SAMSN1: variants seen among roughly 807,000 people sequenced by gnomAD.
SAMSN1 encodes SAM domain, SH3 domain and nuclear localization signals 1, also known as SAM domain-containing protein SAMSN-1.
In SAMSN1, 31 loss-of-function variants were observed where a neutral mutation model predicts 42.0. That is an observed-to-expected ratio of 0.74 (90% CI 0.55 to 1.00). The LOEUF is 1.00. Among genes scored for constraint, SAMSN1 ranks in the 50% least tolerant of loss-of-function variants. SAMSN1 has a pLI of 0.00. For synonymous variants in SAMSN1, 178 were observed against 151.9 expected, an observed-to-expected ratio of 1.17 and a Z score of -1.26; for missense variants, 464 against 439.4, an observed-to-expected ratio of 1.06 and a Z score of -0.50.
intron 7 of SAMSN1, among the ~76,000 whole-genome samples, chr21:14,493,977 A>G (rs1341629734): frequency 3.9e-5 from 6 of 152,192 alleles, no homozygotes; most frequent in African/African-American, 1.4e-4. Flanking sequence ...TTGTTGGAGA[A>G]GCATCTTTAC....
chr21:14,498,724 C>T, intron 6 of SAMSN1, 132 bp from the exon 7 acceptor site: 1 of 610,562 alleles, frequency 1.6e-6, no homozygotes, highest in Non-Finnish European at 2.6e-6. Flanking sequence ...CTTAACTTCA[C>T]TTGTATTCGT....
At chr21:14,550,802 AAG>A (rs60930008), upstream of SAMSN1, among the ~76,000 whole-genome samples, 42,517 of 151,994 alleles carry the variant, frequency 0.28, 6,303 homozygotes, top group African/African-American at 0.38. Flanking sequence ...GTTAAAGGAA[AAG>A]AGAGCTTAGT....
chr21:14,632,179 T>A lies in SAMSN1; in HGVS notation c.156+10823A>T, dbSNP rs186974287. 4.3e-3 allele frequency among the ~76,000 whole-genome samples: 658 copies of A among 152,110 alleles called. 4 individuals carry two copies. The highest frequency in any genetic ancestry group is 7.3e-3 in the Non-Finnish European group (496 of 68,000). ...GCCATTGTGGTAGTAGCTGCTTGAT[T>A]TGGCCACTTCCTAACTGTGATAGAA... On this transcript the variant is annotated intron_variant, in intron 2 of 15. Coordinates refer to the SAMSN1 transcript ENST00000647101.
chr21:14,510,476 A>G lies in SAMSN1; in HGVS notation c.410-15T>C. 6.2e-7 allele frequency: 1 copy of G among 1,613,962 alleles called. No individual in the cohort carries two copies. Among genetic ancestry groups the G allele is most frequent in the Non-Finnish European group, 8.5e-7 (1 of 1,179,840 alleles). ...TGTTATGCCACCTGATGAAAGCAGA[A>G]GTTCACAGTTGTCATGGAAGACTTA... is the stretch of plus-strand genomic sequence containing the variant. On this transcript the variant is annotated splice_polypyrimidine_tract_variant and intron_variant, in intron 4 of 7. Coordinates refer to ENST00000400566, the MANE Select transcript of SAMSN1 (RefSeq NM_022136.5).
At chr21:14,505,028 CTT>C (rs1987335948) in intron 5 of SAMSN1, among the ~76,000 whole-genome samples, 1 of 152,160 alleles carries the variant, frequency 6.6e-6, no homozygotes, top group Non-Finnish European at 1.5e-5. Context: ...AAGATACAGT[CTT>C]TTTCAGACAA....
chr21:14,583,538 T>C, upstream of SAMSN1: 1 of 580,218 alleles, frequency 1.7e-6, no homozygotes, highest in Non-Finnish European at 3.1e-6. Context: ...TAAAAAAAAA[T>C]CCTCAATGTT....
chr21:14,523,487 G>C (rs746394722), intron 1 of SAMSN1: 1 of 152,154 alleles, frequency 6.6e-6, no homozygotes, highest in Non-Finnish European at 1.5e-5. Context: ...GCCTACAGTG[G>C]CTTCCCAGAA....
At position 14,510,294 on chromosome 21, in the gene SAMSN1, T is replaced by A; in HGVS notation, c.561+16A>T. ...TTGACAGACCATTCAGAAGGTGGGA[T>A]ATGATGTCCTCTCACCTTGATTTTG... On this transcript the variant is annotated intron_variant, in intron 5 of 7. Coordinates refer to ENST00000400566, the MANE Select transcript of SAMSN1 (RefSeq NM_022136.5). 1 of 1,612,452 alleles carries A rather than the reference T, an allele frequency of 6.2e-7. No homozygotes were observed. Among genetic ancestry groups the A allele is most frequent in the South Asian group, 1.1e-5 (1 of 91,046 alleles).
intron 2 of SAMSN1, among the ~76,000 whole-genome samples, chr21:14,563,411 T>G (rs1981009160): frequency 6.6e-6 from 1 of 152,236 alleles, no homozygotes; most frequent in Admixed American, 6.5e-5. Flanking sequence ...TATTATTAAA[T>G]TAAGACTCTG....
intron 2 of SAMSN1, among the ~76,000 whole-genome samples, chr21:14,577,254 A>C (rs1407874517): frequency 7.3e-4 from 28 of 38,516 alleles, no homozygotes; most frequent in Non-Finnish European, 1.2e-3. Flanking sequence ...ATATATATAT[A>C]TATATATATA....
At chr21:14,585,460 T>C (rs1014636789), upstream of SAMSN1, 1 of 152,226 alleles carries the variant, frequency 6.6e-6, no homozygotes, top group Non-Finnish European at 1.5e-5. Flanking sequence ...AAAGGTATTA[T>C]ATACCAGGGA....
At chr21:14,646,450 C>T (rs1484675050) in intron 1 of SAMSN1, among the ~76,000 whole-genome samples, 1 of 152,108 alleles carries the variant, frequency 6.6e-6, no homozygotes, top group African/African-American at 2.4e-5. Context: ...GAAATAAAGA[C>T]TTTCCCAGGC....
chr21:14,548,499 A>G (rs955960506), upstream of SAMSN1, among the ~76,000 whole-genome samples: 2 of 152,212 alleles, frequency 1.3e-5, no homozygotes, highest in Non-Finnish European at 2.9e-5. Context: ...GCAAACAAAA[A>G]ATATATATCC....
chr21:14,602,851 C>T (rs547190150), intron 5 of SAMSN1, among the ~76,000 whole-genome samples: 4 of 152,208 alleles, frequency 2.6e-5, no homozygotes, highest in East Asian at 1.9e-4. Flanking sequence ...ATTCCTCATT[C>T]TCATATTCTG....
chr21:14,579,523 T>G (rs1331110250), intron 2 of SAMSN1, among the ~76,000 whole-genome samples: 1 of 152,200 alleles, frequency 6.6e-6, no homozygotes, highest in South Asian at 2.1e-4. Flanking sequence ...ATATGCTTTA[T>G]CTGGATCTAT....
intron 2 of SAMSN1, among the ~76,000 whole-genome samples, chr21:14,580,275 A>C (rs1050861743): frequency 1.3e-5 from 2 of 152,232 alleles, no homozygotes; most frequent in African/African-American, 4.8e-5. Flanking sequence ...GAAATCAATA[A>C]GGTGGGGGTA....
chr21:14,580,319 C>A (rs1311639640), intron 2 of SAMSN1, among the ~76,000 whole-genome samples: 1 of 152,110 alleles, frequency 6.6e-6, no homozygotes, highest in Non-Finnish European at 1.5e-5. Flanking sequence ...TAGATTGAGT[C>A]CAGACTGATG....
At chr21:14,655,984 C>T (rs1270609300) in intron 1 of SAMSN1, among the ~76,000 whole-genome samples, 2 of 151,710 alleles carry the variant, frequency 1.3e-5, no homozygotes, top group African/African-American at 2.4e-5. Context: ...ATCCAAAATT[C>T]TTGGATGCCT....
intron 1 of SAMSN1, among the ~76,000 whole-genome samples, chr21:14,648,762 AG>A (rs1391630097): frequency 2.0e-5 from 3 of 151,918 alleles, no homozygotes; most frequent in Non-Finnish European, 2.9e-5. Context: ...TTAAAAAGTC[AG>A]GAAACAACAG....
Sources: gnomAD v4.1 joint callset for allele counts (sites outside exome capture counted in the v4.1 genomes callset) on GRCh38, gnomAD v4.1.1 for gene constraint, MANE v1.5 for transcripts, NCBI Gene and HGNC (gene_info 2026-07-23, HGNC 2026-07-21) for gene names.